SAMM50: variants seen among roughly 807,000 people sequenced by gnomAD.
The protein encoded by SAMM50 is SAMM50 sorting and assembly machinery component.
Under a neutral mutation model 66.9 loss-of-function variants are expected in SAMM50, and 47 were observed. The observed-to-expected ratio is 0.70, with a 90% CI of 0.56 to 0.90. The LOEUF (loss-of-function observed/expected upper bound fraction) is 0.90, where lower values mean the gene tolerates loss of function less well. Among genes scored for constraint, SAMM50 ranks in the 40% least tolerant of loss-of-function variants. The probability of loss-of-function intolerance (pLI) is 0.00; values close to 1 mark genes in which losing one functional copy is unlikely to be tolerated. For missense variants in SAMM50, 535 were observed against 595.3 expected (o/e 0.90, Z 1.05); for synonymous variants, 191 against 214.1 (o/e 0.89, Z 0.94).
At chr22:43,971,229 A>T (rs1271450583) in intron 4 of SAMM50, among the ~76,000 whole-genome samples, 2 of 152,216 alleles carry the variant, frequency 1.3e-5, no homozygotes, top group Non-Finnish European at 2.9e-5. Context: ...GAGTTCCTAG[A>T]GCGGTGCCTG....
chr22:43,961,242 A>G (rs1298519278), intron 1 of SAMM50, among the ~76,000 whole-genome samples: 1 of 152,192 alleles, frequency 6.6e-6, no homozygotes, highest in Non-Finnish European at 1.5e-5. Flanking sequence ...TGGTTCACAT[A>G]GTTTTCTCCA....
chr22:43,972,264 C>T lies in SAMM50; in HGVS notation c.351C>T (p.Asp117=), dbSNP rs142640319. Residue 117 remains aspartate (D), a synonymous_variant, in exon 5 of 15, where the codon GAC becomes GAT. Transcript: ENST00000350028. ...ATGACGCACTTCCAAATGGGTTAGACGTTACCTTTGAAGTAACTGAATTGA... is the reference window on the plus strand; with the variant it reads ...ATGACGCACTTCCAAATGGGTTAGATGTTACCTTTGAAGTAACTGAATTGA... ...QGDDALPNGL[D]VTFEVTELRR... 2.0e-4 allele frequency: 318 copies of T among 1,601,106 alleles called. 1 individual carries two copies. Among genetic ancestry groups the T allele is most frequent in the Non-Finnish European group, 2.4e-4 (279 of 1,175,956 alleles).
chr22:43,990,130 C>A, intron 13 of SAMM50, 135 bp from the exon 14 acceptor site: 1 of 934,014 alleles, frequency 1.1e-6, no homozygotes, highest in Non-Finnish European at 1.6e-6. Context: ...CTTCATGCAT[C>A]CTCCCTAATC....
intron 9 of SAMM50, 22 bp downstream of exon 9, chr22:43,976,843 C>T: frequency 6.3e-7 from 1 of 1,586,452 alleles, no homozygotes; most frequent in Non-Finnish European, 8.6e-7. Context: ...TCACCTGTGA[C>T]CCCTGCAGGG....
At chr22:43,984,587 A>G (rs1172739105) in intron 12 of SAMM50, among the ~76,000 whole-genome samples, 1 of 151,730 alleles carries the variant, frequency 6.6e-6, no homozygotes, top group African/African-American at 2.4e-5. Context: ...CTGGGATTAC[A>G]GGTGTGAGCC....
chr22:43,986,321 T>C (rs1410226900), intron 12 of SAMM50: 1 of 151,990 alleles, frequency 6.6e-6, no homozygotes, highest in Non-Finnish European at 1.5e-5. Context: ...ATTACAGGTG[T>C]GAGCCAGCAC....
chr22:43,961,700 C>T (rs143294778), intron 1 of SAMM50, among the ~76,000 whole-genome samples: 1 of 152,074 alleles, frequency 6.6e-6, no homozygotes, highest in East Asian at 1.9e-4. Context: ...GATCTGACCT[C>T]CTTGGCCTCC....
chr22:43,960,730 A>G (rs1403766539), intron 1 of SAMM50, among the ~76,000 whole-genome samples: 1 of 152,178 alleles, frequency 6.6e-6, no homozygotes, highest in Non-Finnish European at 1.5e-5. Context: ...CTCTGTCTCA[A>G]AAGAAAAAAA....
chr22:43,990,423 A>C lies in SAMM50; in HGVS notation c.1364+17A>C. ...AGGCGACAGGTACGTGTTGGGAATTATTTTCCACAATCACATCCCACTCTC... is the reference window on the plus strand; with the variant it reads ...AGGCGACAGGTACGTGTTGGGAATTCTTTTCCACAATCACATCCCACTCTC... On this transcript the variant is annotated intron_variant, in intron 14 of 14. Transcript: ENST00000350028. 1.2e-6 allele frequency: 2 copies of C among 1,611,544 alleles called. No homozygotes were observed. The highest frequency in any genetic ancestry group is 2.2e-5 in the South Asian group (2 of 90,868).
intron 8 of SAMM50, 80 bp downstream of exon 8, chr22:43,976,263 A>G (rs1285602616): frequency 1.3e-6 from 2 of 1,504,828 alleles, no homozygotes; most frequent in Non-Finnish European, 1.8e-6. Context: ...CTTTGCCAAT[A>G]TCAGGGCTGA....
intron 1 of SAMM50, among the ~76,000 whole-genome samples, chr22:43,958,623 C>T (rs1021343809): frequency 2.0e-5 from 3 of 151,910 alleles, no homozygotes; most frequent in Non-Finnish European, 2.9e-5. Flanking sequence ...GGACTACAGG[C>T]GTGTGCCATC....
intron 9 of SAMM50, 51 bp downstream of exon 9, chr22:43,976,872 G>A (rs1428034074): frequency 2.3e-6 from 3 of 1,325,426 alleles, no homozygotes; most frequent in South Asian, 1.2e-5. Context: ...GCCAAACTTT[G>A]GACAGTAGAT....
At chr22:43,965,836 AT>A (rs1231933475) in intron 3 of SAMM50, among the ~76,000 whole-genome samples, 1 of 151,096 alleles carries the variant, frequency 6.6e-6, no homozygotes, top group Non-Finnish European at 1.5e-5. Context: ...ACTTTTTTAA[AT>A]TTTTTTTTCT....
In SAMM50 at chr22:43,964,521, G is replaced by A. The variant is rs758249862; in HGVS notation, c.202G>A (p.Gly68Arg). 3.7e-5 allele frequency: 60 copies of A among 1,610,968 alleles called. No individual in the cohort carries two copies. The highest frequency in any genetic ancestry group is 1.6e-4 in the Middle Eastern group (1 of 6,076). The change falls in exon 3 of 15, where the codon GGA becomes AGA. Residue 68 changes from glycine to arginine, a missense_variant. By Grantham distance (125) the Gly-to-Arg change is moderately radical. Coordinates refer to ENST00000350028, the MANE Select transcript of SAMM50 (RefSeq NM_015380.5). The part of the protein sequence containing the change: ...TKDDIIICEI[G>R]DVFKAKNLIE... ...AGATGATATCATCATTTGTGAAATT[G>A]GAGATGTTTTCAAGGCCAAAAACCT...
intron 4 of SAMM50, 41 bp from the exon 5 acceptor site, chr22:43,972,195 A>G: frequency 7.7e-7 from 1 of 1,306,594 alleles, no homozygotes; most frequent in Non-Finnish European, 1.1e-6. Flanking sequence ...AAAGTAAAAT[A>G]ACATCCTGGC....
At chr22:43,991,570 G>A (rs1199118762) in intron 14 of SAMM50, among the ~76,000 whole-genome samples, 3 of 152,164 alleles carry the variant, frequency 2.0e-5, no homozygotes, top group South Asian at 2.1e-4. Flanking sequence ...ACCCAGCTGC[G>A]TTGTGTAAAT....
In SAMM50 at chr22:43,972,348, C is replaced by T; in HGVS notation, c.429+6C>T. 1 of 1,502,554 alleles carries T rather than the reference C, an allele frequency of 6.7e-7. No individual in the cohort carries two copies. Among genetic ancestry groups the T allele is most frequent in the Non-Finnish European group, 9.0e-7 (1 of 1,109,690 alleles). The allele number at this position is 1,502,554 out of a possible 1,614,324, so 93.1% of individuals were successfully genotyped here. A position where few individuals can be genotyped will look rare whatever the true frequency, so the allele number is the denominator to read the frequency against. ...GAAACAATGAAGGCAGTATGGTATG[C>T]TACAGGCTTTTTACTTTCTTATATT... On this transcript the variant is annotated splice_donor_region_variant and intron_variant, in intron 5 of 14. Coordinates refer to ENST00000350028, the MANE Select transcript of SAMM50 (RefSeq NM_015380.5).
chr22:43,988,906 G>A (rs2050308098), intron 12 of SAMM50: 6 of 446,584 alleles, frequency 1.3e-5, no homozygotes, highest in Non-Finnish European at 2.0e-5. Flanking sequence ...GTTAAATCAA[G>A]GTGTGAAACA....
Position 43,972,257 on chromosome 22 carries a change from G to C in SAMM50, c.344G>C (p.Gly115Ala), listed in dbSNP as rs2146813907. The C allele has an allele frequency of 6.3e-7, 1 of 1,597,960 alleles. No individual in the cohort carries two copies. The highest frequency in any genetic ancestry group is 1.7e-4 in the Middle Eastern group (1 of 6,022). Residue 115 changes from glycine to alanine, a missense_variant, in exon 5 of 15, where the codon GGG (glycine) becomes GCG (alanine). Gly to Ala is a moderately conservative substitution (Grantham distance 60, BLOSUM62 0). Transcript: ENST00000350028. ...TCQGDDALPN[G>A]LDVTFEVTEL... Reference sequence around the variant, plus strand: ...TTAGGTGATGACGCACTTCCAAATGGGTTAGACGTTACCTTTGAAGTAACT... The same window carrying C: ...TTAGGTGATGACGCACTTCCAAATGCGTTAGACGTTACCTTTGAAGTAACT...
Sources: gnomAD v4.1 joint callset for allele counts (sites outside exome capture counted in the v4.1 genomes callset) on GRCh38, gnomAD v4.1.1 for gene constraint, MANE v1.5 for transcripts, NCBI Gene and HGNC (gene_info 2026-07-23, HGNC 2026-07-21) for gene names.